RAP1GAP2: variants seen among roughly 807,000 people sequenced by gnomAD.
RAP1GAP2 encodes the protein RAP1 GTPase activating protein 2.
In RAP1GAP2, 27 loss-of-function variants were observed where a neutral mutation model predicts 95.0. That is an observed-to-expected ratio of 0.28 (90% CI 0.21 to 0.39). RAP1GAP2 has a LOEUF of 0.39. RAP1GAP2 is among the 10% of genes least tolerant of loss of function. The pLI is 1.00. For synonymous variants in RAP1GAP2, 373 were observed against 380.9 expected, an observed-to-expected ratio of 0.98 and a Z score of 0.24; for missense variants, 771 against 970.0, an observed-to-expected ratio of 0.79 and a Z score of 2.72.
At chr17:2,813,110 C>T (rs572126141) in intron 2 of RAP1GAP2, among the ~76,000 whole-genome samples, 2 of 149,542 alleles carry the variant, frequency 1.3e-5, no homozygotes, top group Non-Finnish European at 3.0e-5. Flanking sequence ...CTCGCCCTGT[C>T]GCCCAGGCTG....
At chr17:2,822,521 G>T (rs2070347396) in intron 2 of RAP1GAP2, among the ~76,000 whole-genome samples, 1 of 151,898 alleles carries the variant, frequency 6.6e-6, no homozygotes, top group South Asian at 2.1e-4. Context: ...CAGCTACTTG[G>T]GAGTCAGGTG....
rs558446028 is a variant in RAP1GAP2 at position 2,958,597 on chromosome 17, T to C, written c.201+803T>C. 3.3e-5 allele frequency among the ~76,000 whole-genome samples: 5 copies of C among 152,138 alleles called. No homozygotes were observed. In the South Asian group the frequency reaches 8.3e-4, roughly 25 times the overall value. ...CATATTATTATTATTATTATCCCCATAGGACAGGTGAGAAAATCGAGGCAC... is the reference window on the plus strand; with the variant it reads ...CATATTATTATTATTATTATCCCCACAGGACAGGTGAGAAAATCGAGGCAC... On this transcript the variant is annotated intron_variant, in intron 4 of 24. Transcript: ENST00000254695.
chr17:2,943,806 A>G (rs1205267079), intron 3 of RAP1GAP2, among the ~76,000 whole-genome samples: 4 of 152,144 alleles, frequency 2.6e-5, no homozygotes, highest in Non-Finnish European at 5.9e-5. Flanking sequence ...AAATGCAAAT[A>G]AAACCACAGT....
chr17:3,018,146 T>A lies in RAP1GAP2; in HGVS notation c.1580T>A (p.Leu527His). ...KSHSGGIPGSLSGGISHNSME... is the reference protein window; with the variant it reads ...KSHSGGIPGSHSGGISHNSME... ...CACAGTGGGGGCATCCCTGGCAGCC[T>A]CAGCGGGGGCATCTCCCACAACAGC... The change falls in exon 18 of 25, where the codon CTC becomes CAC. Residue 527 changes from leucine (L) to histidine (H), a missense_variant. Physicochemically the swap from Leu to His is moderately conservative, Grantham distance 99. Coordinates refer to ENST00000254695, the MANE Select transcript of RAP1GAP2 (RefSeq NM_015085.5). 6.3e-7 allele frequency: 1 copy of A among 1,581,464 alleles called. No homozygotes were observed. The highest frequency in any genetic ancestry group is 8.6e-7 in the Non-Finnish European group (1 of 1,164,366).
At chr17:2,767,643 C>T (rs1391848570) in intron 1 of RAP1GAP2, among the ~76,000 whole-genome samples, 1 of 151,854 alleles carries the variant, frequency 6.6e-6, no homozygotes, top group Non-Finnish European at 1.5e-5. Context: ...CCTTGGAGAT[C>T]TTGGCAGGAT....
chr17:2,829,825 T>TC (rs1262228936), intron 2 of RAP1GAP2, among the ~76,000 whole-genome samples: 1 of 150,604 alleles, frequency 6.6e-6, no homozygotes, highest in Non-Finnish European at 1.5e-5. Flanking sequence ...AAATTTTTTT[T>TC]TTTTTTTTTT....
At chr17:3,017,785 G>A (rs892046494) in intron 17 of RAP1GAP2, among the ~76,000 whole-genome samples, 2 of 152,146 alleles carry the variant, frequency 1.3e-5, no homozygotes, top group South Asian at 2.1e-4. Context: ...CCGTGCAGGG[G>A]AGCTGGGGCG....
At chr17:2,781,106 G>A (rs1182190372) in intron 1 of RAP1GAP2, among the ~76,000 whole-genome samples, 1 of 152,174 alleles carries the variant, frequency 6.6e-6, no homozygotes, top group Non-Finnish European at 1.5e-5. Flanking sequence ...CCCTGGCCCC[G>A]GCCACGCTCT....
chr17:2,850,347 G>A (rs998132873), intron 2 of RAP1GAP2, among the ~76,000 whole-genome samples: 2 of 152,028 alleles, frequency 1.3e-5, no homozygotes, highest in African/African-American at 4.8e-5. Flanking sequence ...CCTTTGTCAG[G>A]CAACAGTATT....
At position 3,005,758 on chromosome 17, in the gene RAP1GAP2, C is replaced by A. The variant is rs2046311986; in HGVS notation, c.1273-197C>A. On this transcript the variant is annotated intron_variant, in intron 15 of 24. Transcript: ENST00000254695. The surrounding 1 kb of genome is among the most constrained non-coding windows in gnomAD (Gnocchi z 5.2). Reference sequence around the variant, plus strand: ...GTCGTGGAAGTGCCACTGTGGCTTCCCAGGACCAGGGAAGCGGGTTTCCTT... The same window carrying A: ...GTCGTGGAAGTGCCACTGTGGCTTCACAGGACCAGGGAAGCGGGTTTCCTT... Among the ~76,000 whole-genome samples the A allele has an allele frequency of 6.6e-6, 1 of 152,154 alleles. No homozygotes were observed. Among genetic ancestry groups the A allele is most frequent in the Non-Finnish European group, 1.5e-5 (1 of 68,030 alleles).
chr17:2,831,107 C>T (rs1344010239), intron 2 of RAP1GAP2, among the ~76,000 whole-genome samples: 1 of 129,392 alleles, frequency 7.7e-6, no homozygotes, highest in Non-Finnish European at 1.6e-5. Flanking sequence ...GAGATGGAGT[C>T]TTGCTCTGTT....
At chr17:2,945,189 A>G (rs1351277307) in intron 3 of RAP1GAP2, among the ~76,000 whole-genome samples, 1 of 152,026 alleles carries the variant, frequency 6.6e-6, no homozygotes, top group Non-Finnish European at 1.5e-5. Context: ...GCTATTTTAA[A>G]ATGGAATTGT....
intron 2 of RAP1GAP2, among the ~76,000 whole-genome samples, chr17:2,838,451 G>A (rs1040292729): frequency 6.6e-6 from 1 of 152,158 alleles, no homozygotes; most frequent in South Asian, 2.1e-4. Context: ...TCCAGGGTGA[G>A]CAGGGCCTGT....
At chr17:2,925,159 C>T (rs892209508) in intron 3 of RAP1GAP2, among the ~76,000 whole-genome samples, 5 of 152,060 alleles carry the variant, frequency 3.3e-5, no homozygotes, top group African/African-American at 4.8e-5. Flanking sequence ...TTGGTTGAAC[C>T]GGGAAGATGT....
At chr17:2,896,477 A>G (rs1567753739) in intron 2 of RAP1GAP2, among the ~76,000 whole-genome samples, 1 of 151,802 alleles carries the variant, frequency 6.6e-6, no homozygotes, top group East Asian at 1.9e-4. Context: ...GTATTTTCTG[A>G]CTCTGTGACC....
At chr17:2,932,308 C>G (rs1052501156) in intron 3 of RAP1GAP2, among the ~76,000 whole-genome samples, 1 of 151,960 alleles carries the variant, frequency 6.6e-6, no homozygotes, top group African/African-American at 2.4e-5. Flanking sequence ...GCAGTTAAGG[C>G]TGTTAGTGGT....
At chr17:2,767,185 A>G (rs2068291932) in intron 1 of RAP1GAP2, among the ~76,000 whole-genome samples, 1 of 151,552 alleles carries the variant, frequency 6.6e-6, no homozygotes, top group Non-Finnish European at 1.5e-5. Flanking sequence ...AAGGTGGTGA[A>G]ACCCCGTTTC....
intron 1 of RAP1GAP2, among the ~76,000 whole-genome samples, chr17:2,781,472 G>A (rs2068644055): frequency 6.6e-6 from 1 of 152,256 alleles, no homozygotes; most frequent in Non-Finnish European, 1.5e-5. Context: ...GGACATCTCT[G>A]GGTGGTTATA....
intron 1 of RAP1GAP2, among the ~76,000 whole-genome samples, chr17:2,787,037 G>A (rs1218547771): frequency 2.2e-5 from 3 of 134,462 alleles, no homozygotes; most frequent in Non-Finnish European, 4.6e-5. Flanking sequence ...TGCAACCTCC[G>A]CTTCCCGGGT....
Sources: gnomAD v4.1 joint callset for allele counts (sites outside exome capture counted in the v4.1 genomes callset) on GRCh38, gnomAD v4.1.1 for gene constraint, Gnocchi (gnomAD v3.1) non-coding constraint, MANE v1.5 for transcripts, NCBI Gene and HGNC (gene_info 2026-07-23, HGNC 2026-07-21) for gene names.